Variants in SBF2 observed in about 807,000 individuals in gnomAD.
The protein encoded by SBF2 is myotubularin-related protein 13.
SBF2 carries 112 observed loss-of-function variants against 225.2 expected under a neutral mutation model. The ratio of observed to expected loss-of-function variants is 0.50; its 90% CI spans 0.43 to 0.58. The LOEUF (loss-of-function observed/expected upper bound fraction) is 0.58, where lower values mean the gene tolerates loss of function less well. Among genes scored for constraint, SBF2 ranks in the 20% least tolerant of loss-of-function variants. The pLI is 0.00. For missense variants in SBF2, 1,996 were observed against 2,206.2 expected, an observed-to-expected ratio of 0.90 and a Z score of 1.91; for synonymous variants, 763 against 773.3, an observed-to-expected ratio of 0.99 and a Z score of 0.22.
At chr11:10,212,479 T>C (rs1957973198) in intron 1 of SBF2, among the ~76,000 whole-genome samples, 1 of 152,250 alleles carries the variant, frequency 6.6e-6, no homozygotes, top group South Asian at 2.1e-4. Context: ...CTTGTGATAT[T>C]ATCACAAGGT....
Position 9,932,956 on chromosome 11 carries a change from G to GA in SBF2, c.1860+29000_1860+29001insT, listed in dbSNP as rs1590510467. Among the ~76,000 whole-genome samples the GA allele has an allele frequency of 2.6e-3, 14 of 5,386 alleles. No homozygotes were observed. In the East Asian group the frequency reaches 0.1, roughly 38 times the overall value. The allele number at this position is 5,386 out of a possible 152,430, so 3.5% of individuals were successfully genotyped here. A position where few individuals can be genotyped will look rare whatever the true frequency, so the allele number is the denominator to read the frequency against. ...GGGAGATCTACCAAGCAAACGAAAA[G>GA]CAAAAAAAAAAAAAAAAAAAAAAAA... On this transcript the variant is annotated intron_variant, in intron 16 of 39. Transcript: ENST00000256190.
At chr11:10,229,912 A>G (rs369202963) in intron 1 of SBF2, among the ~76,000 whole-genome samples, 1 of 152,174 alleles carries the variant, frequency 6.6e-6, no homozygotes, top group South Asian at 2.1e-4. Flanking sequence ...TGACAGTGGG[A>G]TGTTAAAGTC....
At position 9,942,917 on chromosome 11, in the gene SBF2, A is replaced by G. The variant is rs61876971; in HGVS notation, c.1860+19040T>C. ...AGAGAGAGAGAGAAAGAAAGAAAGA[A>G]AGAAAGAAAGAAAGAAAGAAAGAAG... On this transcript the variant is annotated intron_variant, in intron 16 of 39. Coordinates refer to ENST00000256190, the MANE Select transcript of SBF2 (RefSeq NM_030962.4). Among the ~76,000 whole-genome samples the G allele has an allele frequency of 5.7e-3, 412 of 72,158 alleles. 5 individuals carry two copies. Among genetic ancestry groups the G allele is most frequent in the Non-Finnish European group, 8.9e-3 (216 of 24,154 alleles). The allele number at this position is 72,158 out of a possible 152,430, so 47.3% of individuals were successfully genotyped here. A position where few individuals can be genotyped will look rare whatever the true frequency, so the allele number is the denominator to read the frequency against.
chr11:10,071,125 C>T (rs1950849986), intron 2 of SBF2, among the ~76,000 whole-genome samples: 1 of 152,132 alleles, frequency 6.6e-6, no homozygotes, highest in African/African-American at 2.4e-5. Context: ...ATTTGACTTC[C>T]TCTCTTCCAA....
intron 2 of SBF2, among the ~76,000 whole-genome samples, chr11:10,063,858 CAGAGAGAG>C (rs1555006975): frequency 7.3e-6 from 1 of 136,172 alleles, no homozygotes; most frequent in Non-Finnish European, 1.6e-5. Flanking sequence ...CACACACACA[CAGAGAGAG>C]AGAGAGAGAG....
At chr11:9,836,710 C>T (rs1198647543) in intron 26 of SBF2, among the ~76,000 whole-genome samples, 1 of 152,076 alleles carries the variant, frequency 6.6e-6, no homozygotes, top group Non-Finnish European at 1.5e-5. Flanking sequence ...AATCTAAGAA[C>T]CTGAAATATC....
At chr11:9,930,118 C>T (rs1864374367) in intron 16 of SBF2, among the ~76,000 whole-genome samples, 1 of 151,864 alleles carries the variant, frequency 6.6e-6, no homozygotes, top group South Asian at 2.1e-4. Context: ...CAAACCTGCA[C>T]ATCCTGGACA....
At chr11:10,160,672 T>C (rs1417943639) in intron 2 of SBF2, among the ~76,000 whole-genome samples, 2 of 152,148 alleles carry the variant, frequency 1.3e-5, no homozygotes, top group African/African-American at 4.8e-5. Flanking sequence ...AGAAAAAAAG[T>C]TGTTTTGAAA....
intron 2 of SBF2, among the ~76,000 whole-genome samples, chr11:10,133,404 G>T (rs1044491649): frequency 1.3e-5 from 2 of 149,452 alleles, no homozygotes; most frequent in East Asian, 2.2e-4. Context: ...CATGGAGTGG[G>T]TGGGAGGCTT....
intron 1 of SBF2, among the ~76,000 whole-genome samples, chr11:10,246,568 C>T (rs769304289): frequency 4.6e-5 from 7 of 152,128 alleles, no homozygotes; most frequent in Non-Finnish European, 1.0e-4. Flanking sequence ...CAGGCAAGAG[C>T]CACCACACCC....
intron 16 of SBF2, among the ~76,000 whole-genome samples, chr11:9,943,718 A>C (rs1210561359): frequency 6.6e-6 from 1 of 152,184 alleles, no homozygotes; most frequent in East Asian, 1.9e-4. Context: ...TTAAGAATTC[A>C]GAATTTTTAA....
chr11:9,939,682 G>GA (rs1245795128), intron 16 of SBF2, among the ~76,000 whole-genome samples: 2 of 152,176 alleles, frequency 1.3e-5, no homozygotes, highest in Admixed American at 1.3e-4. Flanking sequence ...GAGATACTCT[G>GA]AAAAACTGCT....
intron 1 of SBF2, among the ~76,000 whole-genome samples, chr11:10,301,436 TAAATCACTTTG>T (rs1170013931): frequency 6.6e-6 from 1 of 152,228 alleles, no homozygotes; most frequent in Non-Finnish European, 1.5e-5. Context: ...GTTCTTTCTC[TAAATCACTTTG>T]TGTTATGACT....
At chr11:10,192,641 T>C (rs768821316) in intron 2 of SBF2, among the ~76,000 whole-genome samples, 1 of 152,314 alleles carries the variant, frequency 6.6e-6, no homozygotes, top group Non-Finnish European at 1.5e-5. Flanking sequence ...GAGATTAATA[T>C]AATCATTATC....
At chr11:10,278,136 G>C (rs1201337576) in intron 1 of SBF2, among the ~76,000 whole-genome samples, 2 of 152,072 alleles carry the variant, frequency 1.3e-5, no homozygotes, top group Non-Finnish European at 2.9e-5. Flanking sequence ...AATCTATACT[G>C]TTTGAAATTC....
chr11:10,264,449 G>A (rs916405887), intron 1 of SBF2, among the ~76,000 whole-genome samples: 1 of 152,038 alleles, frequency 6.6e-6, no homozygotes, highest in African/African-American at 2.4e-5. Context: ...TCCCATCTTA[G>A]TATAATTGCT....
chr11:9,926,115 A>C (rs909267177), intron 16 of SBF2, among the ~76,000 whole-genome samples: 1 of 152,192 alleles, frequency 6.6e-6, no homozygotes, highest in African/African-American at 2.4e-5. Context: ...GACTATCTGT[A>C]ATCTGGCTTA....
chr11:10,072,361 C>T (rs185375625), intron 2 of SBF2, among the ~76,000 whole-genome samples: 11 of 152,272 alleles, frequency 7.2e-5, no homozygotes, highest in Admixed American at 5.9e-4. Context: ...AAAGTGTTGA[C>T]ATTTCAAAAT....
At chr11:10,031,414 C>T (rs918037213) in intron 3 of SBF2, among the ~76,000 whole-genome samples, 9 of 152,162 alleles carry the variant, frequency 5.9e-5, no homozygotes, top group Non-Finnish European at 1.3e-4. Flanking sequence ...AGACATATAA[C>T]ACAACTTTAT....
Sources: gnomAD v4.1 joint callset for allele counts (sites outside exome capture counted in the v4.1 genomes callset) on GRCh38, gnomAD v4.1.1 for gene constraint, MANE v1.5 for transcripts, NCBI Gene and HGNC (gene_info 2026-07-23, HGNC 2026-07-21) for gene names.